Variants in F2 observed in about 807,000 individuals in gnomAD.
F2 encodes the protein prothrombin.
A neutral mutation model predicts 81.9 loss-of-function variants in F2; 34 were observed. The ratio of observed to expected loss-of-function variants is 0.42; its 90% CI spans 0.32 to 0.55. The LOEUF is 0.55. Among genes scored for constraint, F2 ranks in the 20% least tolerant of loss-of-function variants. The pLI, the probability that F2 is intolerant of heterozygous loss-of-function variation, is 0.18. For synonymous variants in F2, 296 were observed against 326.4 expected, an observed-to-expected ratio of 0.91 and a Z score of 1.01; for missense variants, 630 against 833.4, an observed-to-expected ratio of 0.76 and a Z score of 3.00.
In F2 at chr11:46,726,440, T is replaced by C; in HGVS notation, c.875-58T>C. The C allele has an allele frequency of 6.3e-6, 10 of 1,586,810 alleles. No individual in the cohort carries two copies. The highest frequency in any genetic ancestry group is 6.9e-6 in the Non-Finnish European group (8 of 1,167,278). ...GGCCCGTAGGGGAATTGGGGGGATC[T>C]AGGGGATGGGTGAGGAATGGCCCAG... is the stretch of plus-strand genomic sequence containing the variant. On this transcript the variant is annotated intron_variant, in intron 7 of 13. Coordinates refer to ENST00000311907, the MANE Select transcript of F2 (RefSeq NM_000506.5). This position sits in a 1 kb window ranked among gnomAD's most constrained non-coding sequence, Gnocchi z 5.9.
In F2 at chr11:46,728,139, G is replaced by A. The variant is rs121918485; in HGVS notation, c.1274G>A (p.Arg425His). 2 of 1,609,856 alleles carry A rather than the reference G, an allele frequency of 1.2e-6. No homozygotes were observed. Among genetic ancestry groups the A allele is most frequent in the Non-Finnish European group, 8.5e-7 (1 of 1,178,534 alleles). ...KNFTENDLLV[R>H]IGKHSRTRYE... ...TTCACCGAGAATGACCTTCTGGTGC[G>A]CATTGGCAAGCACTCCCGCACCAGG... The change falls in exon 10 of 14, where the codon CGC (arginine) becomes CAC (histidine). Residue 425 changes from arginine to histidine, a missense_variant. Transcript: ENST00000311907. This position sits in a 1 kb window ranked among gnomAD's most constrained non-coding sequence, Gnocchi z 5.1.
At chr11:46,731,016 A>T (rs1247451445) in intron 12 of F2, among the ~76,000 whole-genome samples, 1 of 151,334 alleles carries the variant, frequency 6.6e-6, no homozygotes, top group East Asian at 2.0e-4. Flanking sequence ...TCCCAGGTTC[A>T]AGTGATTCTC....
At chr11:46,736,720 G>A (rs975267753) in intron 12 of F2, among the ~76,000 whole-genome samples, 2 of 152,204 alleles carry the variant, frequency 1.3e-5, no homozygotes, top group Admixed American at 6.5e-5. Flanking sequence ...AATGATAGAG[G>A]CTTTAGCGTA....
At chr11:46,730,426 G>A (rs2064904092) in intron 12 of F2, among the ~76,000 whole-genome samples, 1 of 151,990 alleles carries the variant, frequency 6.6e-6, no homozygotes, top group Non-Finnish European at 1.5e-5. Flanking sequence ...TAGGGGAGGA[G>A]CACCGCAGGC....
rs553511833 is a variant in F2, at chr11:46,739,244, A to C, written c.1726-21A>C. Reference sequence around the variant, plus strand: ...TGACCTTGAACTTGACTCTATTGGAAACCTCATCTTTCTTCTTCAGAGCCC... The same window carrying C: ...TGACCTTGAACTTGACTCTATTGGACACCTCATCTTTCTTCTTCAGAGCCC... On this transcript the variant is annotated intron_variant, in intron 13 of 13. Coordinates refer to ENST00000311907, the MANE Select transcript of F2 (RefSeq NM_000506.5). 101 of 1,613,692 alleles carry C rather than the reference A, an allele frequency of 6.3e-5. 1 individual carries two copies. In the South Asian group the frequency reaches 8.5e-4, roughly 14 times the overall value.
At chr11:46,738,962 T>G in intron 12 of F2, 86 bp from the exon 13 acceptor site, 1 of 1,352,046 alleles carries the variant, frequency 7.4e-7, no homozygotes, top group Non-Finnish European at 1.1e-6. Context: ...GAGGGGTAAG[T>G]GGACTCTCAC....
At chr11:46,729,936 C>T (rs2064900071) in intron 12 of F2, among the ~76,000 whole-genome samples, 1 of 143,584 alleles carries the variant, frequency 7.0e-6, no homozygotes, top group Non-Finnish European at 1.5e-5. Context: ...CCTCAGAGAG[C>T]TTCCTTCCTA....
At chr11:46,732,554 CG>C (rs1447538449) in intron 12 of F2, among the ~76,000 whole-genome samples, 2 of 151,846 alleles carry the variant, frequency 1.3e-5, no homozygotes, top group Admixed American at 6.6e-5. Context: ...TGTGCCACCA[CG>C]CCTGGCTAAT....
In F2 at chr11:46,723,969, A is replaced by T. The variant is rs1187826666; in HGVS notation, c.559+451A>T. On this transcript the variant is annotated intron_variant, in intron 6 of 13. Transcript: ENST00000311907. The surrounding 1 kb of genome is among the most constrained non-coding windows in gnomAD (Gnocchi z 5.6). ...TCATATCTGTGCCTATTGCTCAGTA[A>T]AGTCAGGGAATCAGGGGATCTGAGT... Among the ~76,000 whole-genome samples, 1 of 152,030 alleles carries T rather than the reference A, an allele frequency of 6.6e-6. No homozygotes were observed. Among genetic ancestry groups the T allele is most frequent in the Non-Finnish European group, 1.5e-5 (1 of 68,004 alleles).
At chr11:46,738,216 G>A (rs1342813032) in intron 12 of F2, among the ~76,000 whole-genome samples, 1 of 152,020 alleles carries the variant, frequency 6.6e-6, no homozygotes, top group Non-Finnish European at 1.5e-5. Context: ...GGCCAGGCTG[G>A]TCTTAAACTC....
intron 12 of F2, among the ~76,000 whole-genome samples, chr11:46,730,313 T>C (rs1474045362): frequency 6.6e-6 from 1 of 151,962 alleles, no homozygotes; most frequent in East Asian, 1.9e-4. Context: ...GATCGATCAA[T>C]CAATCAATCA....
Position 46,719,572 on chromosome 11 carries a change from C to A in F2, c.80-130C>A. 1.6e-6 allele frequency: 2 copies of A among 1,267,426 alleles called. No individual in the cohort carries two copies. Among genetic ancestry groups the A allele is most frequent in the Non-Finnish European group, 2.2e-6 (2 of 908,196 alleles). The allele number at this position is 1,267,426 out of a possible 1,614,324, so 78.5% of individuals were successfully genotyped here. Reference sequence around the variant, plus strand: ...GGGCCACATTTAGCAGCCTTCCAGGCACTTCCACCAGCCCAGACAGCCTCT... The same window carrying A: ...GGGCCACATTTAGCAGCCTTCCAGGAACTTCCACCAGCCCAGACAGCCTCT... On this transcript the variant is annotated intron_variant, in intron 1 of 13. Transcript: ENST00000311907. This position sits in a 1 kb window ranked among gnomAD's most constrained non-coding sequence, Gnocchi z 4.7.
At position 46,725,069 on chromosome 11, in the gene F2, C is replaced by CTTTTTTTTTT. The variant is rs71455298; in HGVS notation, c.560-781_560-772dup. Among the ~76,000 whole-genome samples, 5 of 106,246 alleles carry CTTTTTTTTTT rather than the reference C, an allele frequency of 4.7e-5. 2 individuals are homozygous for CTTTTTTTTTT. 69.7% of individuals were successfully genotyped at this position (106,246 alleles called of 152,430 possible). On this transcript the variant is annotated intron_variant, in intron 6 of 13. Transcript: ENST00000311907. ...ACAGGGGTGAGGCACTGCGCCCGGC[C>CTTTTTTTTTT]TTTTTTTTTTTTTTTTTTGAGATGG...
chr11:46,738,956 G>A, intron 12 of F2, 92 bp from the exon 13 acceptor site: 1 of 1,265,712 alleles, frequency 7.9e-7, no homozygotes, highest in Non-Finnish European at 1.2e-6. Flanking sequence ...TGACTGGAGG[G>A]GTAAGTGGAC....
chr11:46,720,117 T>G, intron 2 of F2: 1 of 586,194 alleles, frequency 1.7e-6, no homozygotes, highest in Non-Finnish European at 3.0e-6. Flanking sequence ...CCACCTGCCC[T>G]GGAGCTCTGT....
Position 46,726,502 on chromosome 11 carries a change from G to A in F2, c.879G>A (p.Glu293=), listed in dbSNP as rs201549417. The A allele has an allele frequency of 2.5e-5, 41 of 1,613,742 alleles. No homozygotes were observed. Among genetic ancestry groups the A allele is most frequent in the Non-Finnish European group, 2.2e-5 (26 of 1,179,794 alleles). Residue 293 remains glutamate, a synonymous_variant, in exon 8 of 14, where the codon GAG becomes GAA. Transcript: ENST00000311907. The surrounding 1 kb of genome is among the most constrained non-coding windows in gnomAD (Gnocchi z 5.9). ...FGYCDLNYCE[E]AVEEETGDGL... ...CCGGTGCCTGGGTCCCAACAGAGGAGGCCGTGGAGGAGGAGACAGGAGATG... is the reference window on the plus strand; with the variant it reads ...CCGGTGCCTGGGTCCCAACAGAGGAAGCCGTGGAGGAGGAGACAGGAGATG...
rs1356071832 is a variant in F2, at chr11:46,719,612, G to C, written c.80-90G>C. 6.7e-7 allele frequency: 1 copy of C among 1,495,920 alleles called. No homozygotes were observed. Among genetic ancestry groups the C allele is most frequent in the East Asian group, 2.5e-5 (1 of 40,630 alleles). 92.7% of individuals were successfully genotyped at this position (1,495,920 alleles called of 1,614,324 possible). A position where few individuals can be genotyped will look rare whatever the true frequency, so the allele number is the denominator to read the frequency against. Reference sequence around the variant, plus strand: ...AGACAGCCTCTCTCAGAAGCCAGCAGGGGAGGGTGGGCTTGCTTCATGCCC... The same window carrying C: ...AGACAGCCTCTCTCAGAAGCCAGCACGGGAGGGTGGGCTTGCTTCATGCCC... On this transcript the variant is annotated intron_variant, in intron 1 of 13. Coordinates refer to ENST00000311907, the MANE Select transcript of F2 (RefSeq NM_000506.5). This position sits in a 1 kb window ranked among gnomAD's most constrained non-coding sequence, Gnocchi z 4.7.
In F2 at chr11:46,728,886, G is replaced by C; in HGVS notation, c.1472+49G>C. On this transcript the variant is annotated intron_variant, in intron 11 of 13. Transcript: ENST00000311907. This position sits in a 1 kb window ranked among gnomAD's most constrained non-coding sequence, Gnocchi z 5.1. ...CTGAGGGGCAGAAGCCAAGTTCTGG[G>C]CCTGGCTCTGATACCAAGTAGCCTT... The C allele has an allele frequency of 6.2e-7, 1 of 1,601,660 alleles. No homozygotes were observed. Among genetic ancestry groups the C allele is most frequent in the Non-Finnish European group, 8.5e-7 (1 of 1,171,916 alleles).
intron 6 of F2, among the ~76,000 whole-genome samples, chr11:46,725,225 C>T (rs991598807): frequency 6.6e-6 from 1 of 151,600 alleles, no homozygotes; most frequent in South Asian, 2.1e-4. Context: ...CACGCCACCA[C>T]GCCTGGCTAA....
Sources: gnomAD v4.1 joint callset for allele counts (sites outside exome capture counted in the v4.1 genomes callset) on GRCh38, gnomAD v4.1.1 for gene constraint, Gnocchi (gnomAD v3.1) non-coding constraint, MANE v1.5 for transcripts, NCBI Gene and HGNC (gene_info 2026-07-23, HGNC 2026-07-21) for gene names.